Variants in LMNTD1 observed in about 807,000 individuals in gnomAD.
LMNTD1 encodes the protein lamin tail domain-containing protein 1.
A neutral mutation model predicts 50.9 loss-of-function variants in LMNTD1; 35 were observed. The ratio of observed to expected loss-of-function variants is 0.69; its 90% CI spans 0.53 to 0.91. The LOEUF is 0.91. Ranked by LOEUF, LMNTD1 falls within the 40% of genes least tolerant of loss-of-function variation. The pLI is 0.00. For missense variants in LMNTD1, 470 were observed against 475.5 expected (o/e 0.99, Z 0.11); for synonymous variants, 153 against 161.9 (o/e 0.94, Z 0.42).
intron 4 of LMNTD1, among the ~76,000 whole-genome samples, chr12:25,533,776 C>T (rs543056609): frequency 6.6e-5 from 10 of 152,246 alleles, no homozygotes; most frequent in South Asian, 4.1e-4. Flanking sequence ...TACATCACTA[C>T]GACAAGGTTC....
chr12:25,588,085 G>T (rs1027909171), intron 1 of LMNTD1, among the ~76,000 whole-genome samples: 1 of 152,194 alleles, frequency 6.6e-6, no homozygotes, highest in Non-Finnish European at 1.5e-5. Context: ...GAAAATAAAA[G>T]AACTGGCCAT....
chr12:25,551,568 T>A lies in LMNTD1; in HGVS notation c.89+1303A>T, dbSNP rs1038496707. ...CTATGCCTGCTAATTTTGAAAAAAA[T>A]TTTGTAGACATGTGGTGTTGCTATG... On this transcript the variant is annotated intron_variant, in intron 2 of 9. Coordinates refer to ENST00000458174, the MANE Select transcript of LMNTD1 (RefSeq NM_001145728.2). 3.3e-5 allele frequency among the ~76,000 whole-genome samples: 5 copies of A among 152,178 alleles called. No homozygotes were observed. In the Middle Eastern group the frequency reaches 0.01, roughly 311 times the overall value.
chr12:25,521,102 G>C (rs1941286345), intron 6 of LMNTD1, among the ~76,000 whole-genome samples: 1 of 151,876 alleles, frequency 6.6e-6, no homozygotes, highest in South Asian at 2.1e-4. Flanking sequence ...CATAGATTTT[G>C]AGTATTAGCT....
At chr12:25,587,222 A>T (rs1945557449) in intron 1 of LMNTD1, among the ~76,000 whole-genome samples, 1 of 152,130 alleles carries the variant, frequency 6.6e-6, no homozygotes, top group South Asian at 2.1e-4. Flanking sequence ...GTCTGTACCT[A>T]TGTCTTCTTT....
At chr12:25,590,325 T>C (rs930076675) in intron 1 of LMNTD1, among the ~76,000 whole-genome samples, 6 of 152,156 alleles carry the variant, frequency 3.9e-5, no homozygotes, top group East Asian at 1.9e-4. Context: ...ACCATCTCTA[T>C]TGATGCCCAC....
intron 4 of LMNTD1, among the ~76,000 whole-genome samples, chr12:25,539,914 A>T (rs1942928698): frequency 6.6e-6 from 1 of 151,810 alleles, no homozygotes; most frequent in Admixed American, 6.6e-5. Flanking sequence ...TCCCACAGGA[A>T]TACAAACTAC....
chr12:25,492,245 C>T lies in LMNTD1; in HGVS notation c.*22+11493G>A, dbSNP rs1938909457. ...TGAAAATGTTATAGCATAGGCTTAG[C>T]ATAATAATTCAAGCCAACTTTTCAA... On this transcript the variant is annotated intron_variant, in intron 9 of 9. Transcript: ENST00000458174. 3.9e-5 allele frequency among the ~76,000 whole-genome samples: 6 copies of T among 152,326 alleles called. No individual in the cohort carries two copies. The South Asian group carries it at 1.2e-3, about 32-fold the overall frequency.
chr12:25,622,596 G>C (rs1295363188), intron 1 of LMNTD1, among the ~76,000 whole-genome samples: 1 of 151,820 alleles, frequency 6.6e-6, no homozygotes, highest in Non-Finnish European at 1.5e-5. Context: ...TGCACACTCT[G>C]CCTCATTCAT....
intron 9 of LMNTD1, among the ~76,000 whole-genome samples, chr12:25,481,310 G>A (rs773887897): frequency 2.6e-5 from 4 of 151,862 alleles, no homozygotes; most frequent in African/African-American, 7.3e-5. Flanking sequence ...TATATTGTTC[G>A]TTTCCCATCA....
At chr12:25,503,679 A>T (rs1050320851) in intron 9 of LMNTD1, 59 bp downstream of exon 9, 1 of 862,328 alleles carries the variant, frequency 1.2e-6, no homozygotes, top group Non-Finnish European at 1.9e-6. Context: ...ATTTCTGCCC[A>T]TTACTTTAGT....
upstream of LMNTD1, among the ~76,000 whole-genome samples, chr12:25,556,711 G>A (rs1486394499): frequency 1.3e-5 from 2 of 152,090 alleles, no homozygotes; most frequent in Non-Finnish European, 2.9e-5. Flanking sequence ...TGAAAACTGA[G>A]TTTCATGTTG....
chr12:25,547,772 CAAAAGAA>C (rs1943519125), intron 3 of LMNTD1, among the ~76,000 whole-genome samples: 1 of 151,596 alleles, frequency 6.6e-6, no homozygotes, highest in Non-Finnish European at 1.5e-5. Flanking sequence ...CTTGGTATTC[CAAAAGAA>C]AAGAAGACAC....
intron 1 of LMNTD1, among the ~76,000 whole-genome samples, chr12:25,581,909 G>A (rs997934710): frequency 3.9e-5 from 6 of 152,326 alleles, no homozygotes; most frequent in Admixed American, 1.3e-4. Context: ...GCAATAAAAT[G>A]TTATGAGACC....
chr12:25,500,635 G>A (rs1040467163), intron 9 of LMNTD1, among the ~76,000 whole-genome samples: 10 of 152,296 alleles, frequency 6.6e-5, no homozygotes, highest in South Asian at 2.1e-4. Flanking sequence ...AGACCCATTT[G>A]TTCCCCTGCT....
intron 1 of LMNTD1, among the ~76,000 whole-genome samples, chr12:25,626,336 A>ATG (rs1176896454): frequency 4.0e-5 from 6 of 149,578 alleles, no homozygotes; most frequent in Non-Finnish European, 7.4e-5. Flanking sequence ...GTGTGTATAT[A>ATG]TATATACACA....
chr12:25,524,993 A>G (rs1295239196), intron 6 of LMNTD1, among the ~76,000 whole-genome samples: 1 of 152,192 alleles, frequency 6.6e-6, no homozygotes, highest in African/African-American at 2.4e-5. Context: ...AACATAGATT[A>G]TATTGCAGCA....
chr12:25,529,619 T>C (rs1392655609), intron 4 of LMNTD1, among the ~76,000 whole-genome samples: 2 of 152,208 alleles, frequency 1.3e-5, no homozygotes, highest in African/African-American at 4.8e-5. Context: ...CATCCCTGAC[T>C]GCTGCCTTTA....
chr12:25,482,083 G>A (rs754399419), intron 9 of LMNTD1, among the ~76,000 whole-genome samples: 1 of 151,896 alleles, frequency 6.6e-6, no homozygotes, highest in Non-Finnish European at 1.5e-5. Flanking sequence ...TTCAGGATAA[G>A]TATGAGGATA....
intron 1 of LMNTD1, among the ~76,000 whole-genome samples, chr12:25,595,133 G>A (rs1254464537): frequency 6.6e-6 from 1 of 151,932 alleles, no homozygotes; most frequent in South Asian, 2.1e-4. Flanking sequence ...CACAATAATA[G>A]TGGGGGACTT....
Sources: allele counts gnomAD v4.1 joint callset (sites outside exome capture counted in the v4.1 genomes callset), GRCh38; gene constraint gnomAD v4.1.1; transcripts MANE v1.5; gene names NCBI Gene and HGNC (gene_info 2026-07-23, HGNC 2026-07-21).